Variants in RPRD1B observed in about 807,000 individuals in gnomAD.
RPRD1B encodes regulation of nuclear pre-mRNA domain containing 1B.
Under a neutral mutation model 41.5 loss-of-function variants are expected in RPRD1B, and 11 were observed. That is an observed-to-expected ratio of 0.27 (90% CI 0.17 to 0.44). RPRD1B has a LOEUF of 0.44. Among genes scored for constraint, RPRD1B ranks in the 20% least tolerant of loss-of-function variants. RPRD1B has a pLI of 1.00. For missense variants in RPRD1B, 248 were observed against 389.9 expected, an observed-to-expected ratio of 0.64 and a Z score of 3.06; for synonymous variants, 158 against 155.6, an observed-to-expected ratio of 1.02 and a Z score of -0.12.
rs73905536 is a variant in RPRD1B at position 38,040,744 on chromosome 20, A to G, written c.281+180A>G. Among the ~76,000 whole-genome samples the G allele has an allele frequency of 6.3e-3, 961 of 152,330 alleles. 6 individuals are homozygous for G. The highest frequency in any genetic ancestry group is 0.016 in the African/African-American group (672 of 41,586). ...TCAAGAACTATCGAGACATGTAAAC[A>G]TTCTGATACATTTGAGAGATTCAGC... On this transcript the variant is annotated intron_variant, in intron 2 of 6. Coordinates refer to ENST00000373433, the MANE Select transcript of RPRD1B (RefSeq NM_021215.4).
At chr20:38,052,759 T>G (rs962030806) in intron 3 of RPRD1B, among the ~76,000 whole-genome samples, 8 of 148,032 alleles carry the variant, frequency 5.4e-5, no homozygotes, top group East Asian at 2.0e-4. Context: ...GGTGTTTTTT[T>G]TTTTTTTTTT....
At chr20:38,041,698 T>G (rs60251650) in intron 2 of RPRD1B, among the ~76,000 whole-genome samples, 1,840 of 152,346 alleles carry the variant, frequency 0.012, 36 homozygotes, top group African/African-American at 0.042. Flanking sequence ...TAGCTCTGCC[T>G]CAGACACTAT....
At chr20:38,074,053 G>A (rs180875554) in intron 6 of RPRD1B, among the ~76,000 whole-genome samples, 2 of 152,188 alleles carry the variant, frequency 1.3e-5, no homozygotes, top group South Asian at 2.1e-4. Flanking sequence ...AAGTAATTAC[G>A]GGGCCTTGCA....
At chr20:38,057,473 C>T in intron 3 of RPRD1B, 59 bp from the exon 4 acceptor site, 4 of 1,179,180 alleles carry the variant, frequency 3.4e-6, no homozygotes, top group Non-Finnish European at 5.1e-6. Context: ...TTGTGCATAG[C>T]ATGTGACTTA....
chr20:38,064,165 A>C (rs2074328931), intron 5 of RPRD1B, among the ~76,000 whole-genome samples: 2 of 152,174 alleles, frequency 1.3e-5, no homozygotes, highest in African/African-American at 4.8e-5. Flanking sequence ...TCTGTGACTG[A>C]GGTGATCTCT....
chr20:38,075,897 G>T (rs1326467047), intron 6 of RPRD1B, among the ~76,000 whole-genome samples: 1 of 152,134 alleles, frequency 6.6e-6, no homozygotes, highest in African/African-American at 2.4e-5. Context: ...CCTTATTGAG[G>T]TCCTTTATCT....
chr20:38,089,741 C>A lies in RPRD1B; in HGVS notation c.847C>A (p.Leu283Ile). Residue 283 changes from leucine to isoleucine, a missense_variant, in exon 7 of 7, where the codon CTT becomes ATT. This residue lies in a region of RPRD1B where 93 missense variants were observed against 167.2 expected (regional missense o/e 0.56). Transcript: ENST00000373433. ...EKKLEEYKQKLARVTQVRKEL... is the reference protein window; with the variant it reads ...EKKLEEYKQKIARVTQVRKEL... ...ATCTCCTTAGGAATACAAACAGAAG[C>A]TTGCACGAGTAACCCAGGTCCGCAA... 1 of 1,614,066 alleles carries A rather than the reference C, an allele frequency of 6.2e-7. No homozygotes were observed. Among genetic ancestry groups the A allele is most frequent in the Non-Finnish European group, 8.5e-7 (1 of 1,179,968 alleles).
intron 6 of RPRD1B, among the ~76,000 whole-genome samples, chr20:38,087,965 T>G (rs2074577444): frequency 6.6e-6 from 1 of 152,212 alleles, no homozygotes; most frequent in Non-Finnish European, 1.5e-5. Flanking sequence ...GGTCCTGGCC[T>G]CCAGGAGCTT....
chr20:38,090,633 C>T lies in RPRD1B; in HGVS notation c.*758C>T. 7 of 985,504 alleles carry T rather than the reference C, an allele frequency of 7.1e-6. No homozygotes were observed. The highest frequency in any genetic ancestry group is 7.2e-6 in the Non-Finnish European group (6 of 829,950). 61.0% of individuals were successfully genotyped at this position (985,504 alleles called of 1,614,324 possible). A position where few individuals can be genotyped will look rare whatever the true frequency, so the allele number is the denominator to read the frequency against. On this transcript the variant is annotated 3_prime_UTR_variant, in exon 7 of 7. Coordinates refer to ENST00000373433, the MANE Select transcript of RPRD1B (RefSeq NM_021215.4). ...ATGCTGCACTTCTCCACTGTCGGAG[C>T]ACGTTCCGAAAAACAGAATGCCTTG... is the stretch of plus-strand genomic sequence containing the variant.
intron 1 of RPRD1B, among the ~76,000 whole-genome samples, chr20:38,039,369 A>G (rs1229592202): frequency 2.0e-5 from 3 of 152,094 alleles, no homozygotes; most frequent in Admixed American, 2.0e-4. Flanking sequence ...TTGGAGTATC[A>G]GAGAAATTCT....
At chr20:38,070,737 GATT>G in intron 6 of RPRD1B, 1 of 863,580 alleles carries the variant, frequency 1.2e-6, no homozygotes, top group Non-Finnish European at 1.3e-6. Flanking sequence ...TCTTAACTGT[GATT>G]TTTTTTTTTT....
In RPRD1B at chr20:38,092,099, G is replaced by A; in HGVS notation, c.*2224G>A. 1 of 985,664 alleles carries A rather than the reference G, an allele frequency of 1.0e-6. No individual in the cohort carries two copies. Among genetic ancestry groups the A allele is most frequent in the South Asian group, 4.7e-5 (1 of 21,274 alleles). The allele number at this position is 985,664 out of a possible 1,614,324, so 61.1% of individuals were successfully genotyped here. ...ATGTATGAGGTGACTTGGTGGGTGG[G>A]GTGGGTGGTTTTTGTTTTTGTGTTT... is the stretch of plus-strand genomic sequence containing the variant. On this transcript the variant is annotated 3_prime_UTR_variant, in exon 7 of 7. Transcript: ENST00000373433.
In RPRD1B at chr20:38,033,818, A is replaced by T; in HGVS notation, c.-130A>T. 1.1e-6 allele frequency: 1 copy of T among 913,454 alleles called. No homozygotes were observed. The highest frequency in any genetic ancestry group is 1.6e-6 in the Non-Finnish European group (1 of 627,834). 56.6% of individuals were successfully genotyped at this position (913,454 alleles called of 1,614,324 possible). A position where few individuals can be genotyped will look rare whatever the true frequency, so the allele number is the denominator to read the frequency against. On this transcript the variant is annotated 5_prime_UTR_variant, in exon 1 of 7. Transcript: ENST00000373433. Reference sequence around the variant, plus strand: ...AGACCCATCCCCTCCCCCTTCTCGCACCCCTGGCAGTCTGTCAGTCGGTAA... The same window carrying T: ...AGACCCATCCCCTCCCCCTTCTCGCTCCCCTGGCAGTCTGTCAGTCGGTAA...
At chr20:38,089,660 T>C (rs2074595199) in intron 6 of RPRD1B, 66 bp from the exon 7 acceptor site, 3 of 1,361,616 alleles carry the variant, frequency 2.2e-6, no homozygotes, top group Non-Finnish European at 3.1e-6. Flanking sequence ...GCTGCCCGGC[T>C]CCAGCAGCAC....
rs1285817745 is a variant in RPRD1B, at chr20:38,066,204, A to C, written c.779A>C (p.Glu260Ala). 1 of 1,614,212 alleles carries C rather than the reference A, an allele frequency of 6.2e-7. No individual in the cohort carries two copies. The highest frequency in any genetic ancestry group is 2.2e-5 in the East Asian group (1 of 44,888). Residue 260 changes from glutamate to alanine, a missense_variant, in exon 6 of 7, where the codon GAG (glutamate) becomes GCG (alanine). By Grantham distance (107) the Glu-to-Ala change is moderately radical. Coordinates refer to ENST00000373433, the MANE Select transcript of RPRD1B (RefSeq NM_021215.4). Reference sequence around the variant, plus strand: ...CGCCAGCTGGCTCGGATGTTGGTGGAGTATACCCAGAATCAGAAAGATGTT... The same window carrying C: ...CGCCAGCTGGCTCGGATGTTGGTGGCGTATACCCAGAATCAGAAAGATGTT... ...DRRQLARMLVEYTQNQKDVLS... is the reference protein window; with the variant it reads ...DRRQLARMLVAYTQNQKDVLS...
At chr20:38,085,562 C>G (rs1371901157) in intron 6 of RPRD1B, 1 of 152,202 alleles carries the variant, frequency 6.6e-6, no homozygotes, top group Non-Finnish European at 1.5e-5. Context: ...GAAAAGAGGC[C>G]CGGATTTCTT....
intron 6 of RPRD1B, among the ~76,000 whole-genome samples, chr20:38,088,627 A>T (rs1600448703): frequency 6.6e-6 from 1 of 152,220 alleles, no homozygotes; most frequent in South Asian, 2.1e-4. Context: ...TGTTTTCTAT[A>T]TATCTTGGCA....
intron 4 of RPRD1B, among the ~76,000 whole-genome samples, chr20:38,058,854 A>T (rs768144885): frequency 2.0e-5 from 3 of 152,052 alleles, no homozygotes; most frequent in Non-Finnish European, 4.4e-5. Flanking sequence ...CTATAGACAT[A>T]TGCCACCATG....
chr20:38,090,626 G>A lies in RPRD1B; in HGVS notation c.*751G>A. ...CCTTCCCATGCTGCACTTCTCCACT[G>A]TCGGAGCACGTTCCGAAAAACAGAA... On this transcript the variant is annotated 3_prime_UTR_variant, in exon 7 of 7. Transcript: ENST00000373433. 1.0e-6 allele frequency: 1 copy of A among 985,482 alleles called. No individual in the cohort carries two copies. Among genetic ancestry groups the A allele is most frequent in the Non-Finnish European group, 1.2e-6 (1 of 829,924 alleles). The allele number at this position is 985,482 out of a possible 1,614,324, so 61.0% of individuals were successfully genotyped here.
Sources: allele counts gnomAD v4.1 joint callset (sites outside exome capture counted in the v4.1 genomes callset), GRCh38; gene constraint gnomAD v4.1.1; regional missense constraint gnomAD v4.1.1; transcripts MANE v1.5; gene names NCBI Gene and HGNC (gene_info 2026-07-23, HGNC 2026-07-21).